WWC2: variants seen among roughly 807,000 people sequenced by gnomAD.
WWC2 encodes WW and C2 domain containing 2, also known as protein WWC2.
Under a neutral mutation model 138.5 loss-of-function variants are expected in WWC2, and 101 were observed. That is an observed-to-expected ratio of 0.73 (90% CI 0.62 to 0.86). The LOEUF (loss-of-function observed/expected upper bound fraction) is 0.86. WWC2 is among the 40% of genes least tolerant of loss of function. The probability of loss-of-function intolerance (pLI) is 0.00; values close to 1 mark genes in which losing one functional copy is unlikely to be tolerated. For synonymous variants in WWC2, 558 were observed against 538.4 expected, an observed-to-expected ratio of 1.04 and a Z score of -0.50; for missense variants, 1,420 against 1,419.4, an observed-to-expected ratio of 1.00 and a Z score of -0.01.
intron 1 of WWC2, among the ~76,000 whole-genome samples, chr4:183,174,420 A>G (rs914566745): frequency 3.9e-5 from 6 of 152,104 alleles, no homozygotes; most frequent in Non-Finnish European, 8.8e-5. Flanking sequence ...TTGCTAACCT[A>G]GGCTTTCTGT....
chr4:183,139,163 C>T (rs765830139), intron 1 of WWC2, among the ~76,000 whole-genome samples: 17 of 152,154 alleles, frequency 1.1e-4, no homozygotes, highest in Non-Finnish European at 1.6e-4. Context: ...TCTTTTGCCT[C>T]CTTCCTTTAA....
Position 183,261,534 on chromosome 4 carries a change from T to G in WWC2, c.1909+2T>G, listed in dbSNP as rs760298648. On this transcript the variant is annotated splice_donor_variant, in intron 11 of 22. Coordinates refer to ENST00000403733, the MANE Select transcript of WWC2 (RefSeq NM_024949.6). LOFTEE classifies it high-confidence loss of function. ...AGCCATTATATGAAGGAACTGCAGGTAAATGCAGCCCTTTGCTTTCATGTA... is the reference window on the plus strand; with the variant it reads ...AGCCATTATATGAAGGAACTGCAGGGAAATGCAGCCCTTTGCTTTCATGTA... 43 of 1,608,986 alleles carry G rather than the reference T, an allele frequency of 2.7e-5. No individual in the cohort carries two copies. The highest frequency in any genetic ancestry group is 3.7e-5 in the Non-Finnish European group (43 of 1,177,490).
At position 183,225,605 on chromosome 4, in the gene WWC2, C is replaced by T. The variant is rs554930268; in HGVS notation, c.523-14578C>T. ...ATGGGGGAGTAGCAGACAAAGCCAA[C>T]CTGCTGGTAAGACATTTTAAAAATC... On this transcript the variant is annotated intron_variant, in intron 4 of 22. Coordinates refer to ENST00000403733, the MANE Select transcript of WWC2 (RefSeq NM_024949.6). Among the ~76,000 whole-genome samples the T allele has an allele frequency of 1.2e-3, 186 of 152,168 alleles. 1 individual carries two copies. The highest frequency in any genetic ancestry group is 2.4e-3 in the Non-Finnish European group (165 of 68,024).
intron 1 of WWC2, among the ~76,000 whole-genome samples, chr4:183,142,093 G>A (rs552474926): frequency 1.3e-5 from 2 of 152,172 alleles, no homozygotes; most frequent in Non-Finnish European, 2.9e-5. Flanking sequence ...TGATAGGAGA[G>A]CATGGGCATT....
chr4:183,222,054 A>G (rs956003859), intron 4 of WWC2, among the ~76,000 whole-genome samples: 24 of 152,206 alleles, frequency 1.6e-4, no homozygotes, highest in African/African-American at 5.8e-4. Context: ...CATAAAATGT[A>G]ATTTAAAAGG....
intron 1 of WWC2, among the ~76,000 whole-genome samples, chr4:183,137,939 T>C (rs72695790): frequency 0.042 from 6,451 of 152,310 alleles, 169 homozygotes; most frequent in African/African-American, 0.069. Context: ...TAGTGATTTT[T>C]GACTGTGAGC....
intron 16 of WWC2, among the ~76,000 whole-genome samples, chr4:183,275,785 T>C (rs920470237): frequency 1.3e-5 from 2 of 152,136 alleles, no homozygotes; most frequent in Non-Finnish European, 2.9e-5. Flanking sequence ...TCTGGCCTCA[T>C]AGTATGAGTT....
chr4:183,193,153 T>G (rs1252814482), intron 1 of WWC2, among the ~76,000 whole-genome samples: 1 of 152,356 alleles, frequency 6.6e-6, no homozygotes, highest in East Asian at 1.9e-4. Context: ...CACAGTTGAA[T>G]GTTTAGTTAA....
chr4:183,189,800 T>G (rs1294343441), intron 1 of WWC2, among the ~76,000 whole-genome samples: 1 of 152,228 alleles, frequency 6.6e-6, no homozygotes, highest in Non-Finnish European at 1.5e-5. Flanking sequence ...TTTTTTTAAG[T>G]GCTTATTCAT....
chr4:183,104,880 A>G (rs1044695185), intron 1 of WWC2, among the ~76,000 whole-genome samples: 1 of 152,166 alleles, frequency 6.6e-6, no homozygotes, highest in African/African-American at 2.4e-5. Context: ...ACTCAGGACA[A>G]TAATTGCTTT....
In WWC2 at chr4:183,216,644, C is replaced by T. The variant is rs145305102; in HGVS notation, c.522+7619C>T. Among the ~76,000 whole-genome samples, 1,015 of 152,010 alleles carry T rather than the reference C, an allele frequency of 6.7e-3. 17 individuals carry two copies. Among genetic ancestry groups the T allele is most frequent in the African/African-American group, 0.023 (955 of 41,434 alleles). ...CTGAAAGGAAACAGATGAAGTGAGC[C>T]CTGGGATTGCACTGTTTGCAGTATG... On this transcript the variant is annotated intron_variant, in intron 4 of 22. Coordinates refer to ENST00000403733, the MANE Select transcript of WWC2 (RefSeq NM_024949.6).
intron 1 of WWC2, 149 bp downstream of exon 1, chr4:183,099,771 C>A: frequency 1.2e-6 from 1 of 838,166 alleles, no homozygotes; most frequent in Non-Finnish European, 1.5e-6. Context: ...CCGGCGGGGC[C>A]GAGGAGCCGC....
chr4:183,158,517 CCAGT>C (rs1733868849), intron 1 of WWC2, among the ~76,000 whole-genome samples: 1 of 151,678 alleles, frequency 6.6e-6, no homozygotes, highest in South Asian at 2.1e-4. Flanking sequence ...TACAAGAATG[CCAGT>C]CAGTCTAGAT....
chr4:183,183,065 G>GT (rs1434185170), intron 1 of WWC2, among the ~76,000 whole-genome samples: 14 of 152,232 alleles, frequency 9.2e-5, no homozygotes, highest in African/African-American at 3.4e-4. Context: ...GAGTCTGAGT[G>GT]TAGTAACATG....
At position 183,300,356 on chromosome 4, in the gene WWC2, T is replaced by C. The variant is rs527382858; in HGVS notation, c.3384+10721T>C. Among the ~76,000 whole-genome samples, 8 of 151,218 alleles carry C rather than the reference T, an allele frequency of 5.3e-5. No individual in the cohort carries two copies. The East Asian group carries it at 7.8e-4, about 15-fold the overall frequency. ...GCAGGAATTTCTTTTTTTTTTTTTT[T>C]CCATAGAGTGTTTCCCTGTCAAAAT... On this transcript the variant is annotated intron_variant, in intron 21 of 22. Transcript: ENST00000403733.
intron 8 of WWC2, among the ~76,000 whole-genome samples, chr4:183,251,272 T>C (rs1736973759): frequency 6.6e-6 from 1 of 152,200 alleles, no homozygotes; most frequent in African/African-American, 2.4e-5. Flanking sequence ...CAGCTTTCGG[T>C]AGATAGTGCC....
chr4:183,308,971 A>G (rs539606959), intron 21 of WWC2, among the ~76,000 whole-genome samples: 1 of 152,348 alleles, frequency 6.6e-6, no homozygotes, highest in Non-Finnish European at 1.5e-5. Context: ...AAGAAAATAA[A>G]TCAAAAAAAG....
chr4:183,291,492 A>G (rs1427473459), intron 21 of WWC2, among the ~76,000 whole-genome samples: 1 of 152,154 alleles, frequency 6.6e-6, no homozygotes, highest in African/African-American at 2.4e-5. Flanking sequence ...AATAATTTCA[A>G]ACTTTTGGTT....
intron 6 of WWC2, among the ~76,000 whole-genome samples, chr4:183,247,077 A>G (rs991813673): frequency 6.6e-6 from 1 of 152,210 alleles, no homozygotes; most frequent in East Asian, 1.9e-4. Context: ...AACTTTAGAT[A>G]TCTTCTGTGA....
Sources: allele counts gnomAD v4.1 joint callset (sites outside exome capture counted in the v4.1 genomes callset), GRCh38; gene constraint gnomAD v4.1.1; transcripts MANE v1.5; gene names NCBI Gene and HGNC (gene_info 2026-07-23, HGNC 2026-07-21).